Variants in CFAP97 observed in about 807,000 individuals in gnomAD.
The protein encoded by CFAP97 is cilia and flagella associated protein 97.
In CFAP97, 36 loss-of-function variants were observed where a neutral mutation model predicts 43.1. The ratio of observed to expected loss-of-function variants is 0.84; its 90% CI spans 0.64 to 1.10. The LOEUF is 1.10. Among genes scored for constraint, CFAP97 ranks in the 50% least tolerant of loss-of-function variants. CFAP97 has a pLI of 0.00. For missense variants in CFAP97, 657 were observed against 620.3 expected (o/e 1.06, Z -0.63); for synonymous variants, 228 against 225.7 (o/e 1.01, Z -0.09).
At chr4:185,208,571 T>C (rs140948870), upstream of CFAP97, among the ~76,000 whole-genome samples, 467 of 151,710 alleles carry the variant, frequency 3.1e-3, 3 homozygotes, top group South Asian at 0.018. Flanking sequence ...CTACTAAAAA[T>C]ACAAAAATTT....
intron 3 of CFAP97, among the ~76,000 whole-genome samples, chr4:185,166,264 T>G (rs75498464): frequency 0.026 from 3,971 of 152,250 alleles, 148 homozygotes; most frequent in African/African-American, 0.09. Context: ...GTGATGTAGG[T>G]GTCCAAACCT....
At chr4:185,183,632 AATG>A (rs911865570) in intron 2 of CFAP97, among the ~76,000 whole-genome samples, 1 of 152,240 alleles carries the variant, frequency 6.6e-6, no homozygotes, top group Non-Finnish European at 1.5e-5. Context: ...ATCGAGCATG[AATG>A]ATAATTTTGA....
At chr4:185,197,820 G>A (rs918203563) in intron 1 of CFAP97, among the ~76,000 whole-genome samples, 23 of 152,328 alleles carry the variant, frequency 1.5e-4, no homozygotes, top group African/African-American at 5.3e-4. Context: ...AGCTTAGTGA[G>A]GAAGGTATGC....
chr4:185,193,591 C>T (rs1027798099), intron 1 of CFAP97, among the ~76,000 whole-genome samples: 12 of 151,990 alleles, frequency 7.9e-5, no homozygotes, highest in African/African-American at 2.9e-4. Flanking sequence ...GGCTGCAGTG[C>T]GCCGCGATCA....
intron 1 of CFAP97, among the ~76,000 whole-genome samples, chr4:185,194,216 C>G (rs1736436859): frequency 6.6e-6 from 1 of 152,182 alleles, no homozygotes; most frequent in Non-Finnish European, 1.5e-5. Flanking sequence ...AGGCCAGGCG[C>G]AGTGGCTCAC....
At chr4:185,204,072 G>C (rs1358040827), upstream of CFAP97, 1 of 150,356 alleles carries the variant, frequency 6.7e-6, no homozygotes, top group Non-Finnish European at 1.5e-5. Flanking sequence ...GCCGGGCCTC[G>C]TGCGGCCCTC....
intron 1 of CFAP97, among the ~76,000 whole-genome samples, chr4:185,194,143 T>A (rs1389008371): frequency 6.6e-6 from 1 of 152,196 alleles, no homozygotes; most frequent in Non-Finnish European, 1.5e-5. Flanking sequence ...TAGCTGTGAT[T>A]GAGACCCTAT....
At position 185,162,842 on chromosome 4, in the gene CFAP97, G is replaced by C. The variant is rs779939237; in HGVS notation, c.1555C>G (p.Arg519Gly). Reference sequence around the variant, plus strand: ...ACATTAGGGGGTTTAGGTCTTCTTCGAGGGTGGCCACTGGAGGGGTCAACC... The same window carrying C: ...ACATTAGGGGGTTTAGGTCTTCTTCCAGGGTGGCCACTGGAGGGGTCAACC... ...SAVDPSSGHP[R>G]RRPKPPNVRT... is the part of the protein sequence containing the mutation. Residue 519 changes from arginine (R) to glycine (G), a missense_variant, in exon 5 of 5, where the codon CGA (arginine) becomes GGA (glycine). By Grantham distance (125) the Arg-to-Gly change is moderately radical (BLOSUM62 -2). Transcript: ENST00000458385. The C allele has an allele frequency of 6.2e-7, 1 of 1,612,684 alleles. No individual in the cohort carries two copies. Among genetic ancestry groups the C allele is most frequent in the Non-Finnish European group, 8.5e-7 (1 of 1,179,430 alleles).
chr4:185,190,107 T>G, intron 2 of CFAP97, 36 bp downstream of exon 2: 4 of 1,462,662 alleles, frequency 2.7e-6, no homozygotes, highest in Non-Finnish European at 2.8e-6. Context: ...ATATATAATA[T>G]TTAAACACAC....
chr4:185,207,519 A>G (rs756964410), upstream of CFAP97, among the ~76,000 whole-genome samples: 2 of 152,038 alleles, frequency 1.3e-5, no homozygotes, highest in African/African-American at 2.4e-5. Flanking sequence ...CGCCTGGCCA[A>G]CTATCCACTT....
chr4:185,180,982 A>G (rs1361618371), intron 2 of CFAP97, among the ~76,000 whole-genome samples: 1 of 152,168 alleles, frequency 6.6e-6, no homozygotes, highest in East Asian at 1.9e-4. Context: ...TAAAAATAAT[A>G]AACCAATTAT....
chr4:185,160,020 T>G lies in CFAP97; in HGVS notation c.*2778A>C, dbSNP rs558167504. On this transcript the variant is annotated 3_prime_UTR_variant, in exon 5 of 5. Transcript: ENST00000458385. ...CACAGCCGTCACTTACCCATGACCG[T>G]CACCTTCCTAAAGCTGTCTCGATAT... is the stretch of plus-strand genomic sequence containing the variant. The G allele has an allele frequency of 6.6e-6, 1 of 152,308 alleles. No individual in the cohort carries two copies. Among genetic ancestry groups the G allele is most frequent in the South Asian group, 2.1e-4 (1 of 4,820 alleles). 9.4% of individuals were successfully genotyped at this position (152,308 alleles called of 1,614,324 possible).
chr4:185,190,444 A>G lies in CFAP97; in HGVS notation c.753T>C (p.Thr251=), dbSNP rs1579256570. The G allele has an allele frequency of 1.9e-6, 3 of 1,613,886 alleles. No individual in the cohort carries two copies. The highest frequency in any genetic ancestry group is 2.5e-6 in the Non-Finnish European group (3 of 1,179,816). Residue 251 remains threonine (T), a synonymous_variant, in exon 2 of 5, where the codon ACT becomes ACC. Transcript: ENST00000458385. The part of the protein sequence containing the change: ...CGHYPEESED[T]VTDVSPLSTP... The stretch of plus-strand genomic sequence containing the variant: ...TTGATAAGGGACTTACGTCAGTCAC[A>G]GTATCTTCAGACTCCTCAGGGTAGT...
chr4:185,186,886 G>C (rs1233805431), intron 2 of CFAP97, among the ~76,000 whole-genome samples: 1 of 152,164 alleles, frequency 6.6e-6, no homozygotes, highest in Admixed American at 6.5e-5. Context: ...AGACCAAAAT[G>C]TTTAAAAATC....
intron 3 of CFAP97, among the ~76,000 whole-genome samples, chr4:185,167,886 C>G (rs1027675014): frequency 6.6e-6 from 1 of 151,286 alleles, no homozygotes; most frequent in African/African-American, 2.4e-5. Flanking sequence ...GCAGTTCCAG[C>G]TACTCCGGAG....
chr4:185,210,206 C>T, upstream of CFAP97: 3 of 984,752 alleles, frequency 3.0e-6, no homozygotes, highest in Non-Finnish European at 3.6e-6. The surrounding 1 kb of genome is among the most constrained non-coding windows in gnomAD (Gnocchi z 4.4). Flanking sequence ...GACTTCGCCG[C>T]CGCCTGGAGC....
intron 1 of CFAP97, among the ~76,000 whole-genome samples, chr4:185,202,588 A>G (rs1178196171): frequency 6.6e-6 from 1 of 151,906 alleles, no homozygotes; most frequent in East Asian, 1.9e-4. Context: ...GTTTCAACCC[A>G]GTTTCCTTGA....
chr4:185,168,296 C>CCT (rs1735148591), intron 3 of CFAP97, among the ~76,000 whole-genome samples: 1 of 148,990 alleles, frequency 6.7e-6, no homozygotes, highest in South Asian at 2.1e-4. Flanking sequence ...AGTTTGCCCA[C>CCT]TTTTTTTTTT....
intron 2 of CFAP97, among the ~76,000 whole-genome samples, chr4:185,187,216 G>T (rs1247291429): frequency 6.6e-6 from 1 of 152,120 alleles, no homozygotes; most frequent in Non-Finnish European, 1.5e-5. Context: ...TAACAGGAAT[G>T]GGCAACTGTT....
Sources: allele counts gnomAD v4.1 joint callset (sites outside exome capture counted in the v4.1 genomes callset), GRCh38; gene constraint gnomAD v4.1.1; non-coding constraint Gnocchi (gnomAD v3.1); transcripts MANE v1.5; gene names NCBI Gene and HGNC (gene_info 2026-07-23, HGNC 2026-07-21).